The following MAF variants were observed in gnomAD, a reference collection of about 807,000 sequenced individuals.
MAF encodes MAF bZIP transcription factor, also known as transcription factor Maf.
MAF carries 10 observed loss-of-function variants against 22.0 expected under a neutral mutation model. The observed-to-expected ratio is 0.45, with a 90% confidence interval of 0.28 to 0.77. The LOEUF (loss-of-function observed/expected upper bound fraction) is 0.77, where lower values mean the gene tolerates loss of function less well. Ranked by LOEUF, MAF falls within the 30% of genes least tolerant of loss-of-function variation. MAF has a pLI of 0.12. For synonymous variants in MAF, 337 were observed against 255.8 expected (o/e 1.32, Z -3.03); for missense variants, 544 against 548.4 (o/e 0.99, Z 0.08).
the MAF span, among the ~76,000 whole-genome samples, chr16:79,239,317 G>C: frequency 6.6e-6 from 1 of 152,042 alleles, no homozygotes; most frequent in Non-Finnish European, 1.5e-5. Flanking sequence ...ATCCTGGTTT[G>C]CTCAGAAGTG....
the MAF span, among the ~76,000 whole-genome samples, chr16:79,517,567 T>G: frequency 1.0e-5 from 1 of 95,970 alleles, no homozygotes; most frequent in Admixed American, 1.7e-4. Flanking sequence ...GACTGTTTAG[T>G]CTTTTTTTTT....
At chr16:79,290,707 G>A in the MAF span, among the ~76,000 whole-genome samples, 5 of 152,180 alleles carry the variant, frequency 3.3e-5, no homozygotes, top group East Asian at 3.9e-4. Flanking sequence ...TGTCTGTTCC[G>A]TGCAACAGCT....
chr16:79,541,954 T>C, the MAF span, among the ~76,000 whole-genome samples: 1 of 152,016 alleles, frequency 6.6e-6, no homozygotes, highest in African/African-American at 2.4e-5. Context: ...ACAAGCCCGG[T>C]TACTACTAGG....
chr16:79,205,731 G>T, the MAF span: 1 of 152,230 alleles, frequency 6.6e-6, no homozygotes, highest in Non-Finnish European at 1.5e-5. Flanking sequence ...TCTAAGGCTG[G>T]ATTGTTGAAG....
At chr16:79,322,188 G>A in the MAF span, among the ~76,000 whole-genome samples, 3 of 152,184 alleles carry the variant, frequency 2.0e-5, no homozygotes, top group Admixed American at 6.5e-5. Flanking sequence ...AGCCAAGATC[G>A]CTCCACTGCA....
chr16:79,498,609 G>C, the MAF span, among the ~76,000 whole-genome samples: 5 of 152,148 alleles, frequency 3.3e-5, no homozygotes, highest in African/African-American at 7.2e-5. Context: ...TTGAGATGGA[G>C]GCTATTAGTA....
chr16:79,442,192 G>T, the MAF span, among the ~76,000 whole-genome samples: 1 of 152,318 alleles, frequency 6.6e-6, no homozygotes, highest in East Asian at 1.9e-4. Context: ...CTTACAGCAA[G>T]AATAGGAATC....
the MAF span, among the ~76,000 whole-genome samples, chr16:79,337,554 C>A: frequency 4.5e-5 from 5 of 110,184 alleles, no homozygotes; most frequent in East Asian, 5.4e-4. Flanking sequence ...GATGACAGAG[C>A]GAGATTCCGT....
At chr16:79,292,790 G>T in the MAF span, among the ~76,000 whole-genome samples, 23 of 152,154 alleles carry the variant, frequency 1.5e-4, 1 homozygote, top group African/African-American at 4.1e-4. Context: ...CCAAGATGGC[G>T]ATGATAGTAA....
chr16:79,589,616 G>C (rs1480384297), downstream of MAF, among the ~76,000 whole-genome samples: 2 of 152,150 alleles, frequency 1.3e-5, no homozygotes, highest in Non-Finnish European at 2.9e-5. Context: ...GGAGTGAGGG[G>C]GTCTCAAGGT....
the MAF span, among the ~76,000 whole-genome samples, chr16:79,456,342 T>C: frequency 0.12 from 17,854 of 152,128 alleles, 1,196 homozygotes; most frequent in East Asian, 0.25. Context: ...GCCATTTATC[T>C]CCAGGGACAA....
At chr16:79,510,157 A>T in the MAF span, among the ~76,000 whole-genome samples, 2 of 152,228 alleles carry the variant, frequency 1.3e-5, no homozygotes, top group Non-Finnish European at 2.9e-5. Context: ...AACTGTGTTT[A>T]TCCCCTGTAT....
At chr16:79,476,691 T>C in the MAF span, among the ~76,000 whole-genome samples, 1 of 152,028 alleles carries the variant, frequency 6.6e-6, no homozygotes, top group African/African-American at 2.4e-5. Context: ...TGCCTACCTA[T>C]GTTAGGGGGG....
the MAF span, among the ~76,000 whole-genome samples, chr16:79,257,868 G>C: frequency 2.6e-5 from 4 of 152,142 alleles, no homozygotes; most frequent in Non-Finnish European, 4.4e-5. Flanking sequence ...TTTTTGAAAG[G>C]CATAGAGATG....
chr16:79,430,608 A>T, the MAF span, among the ~76,000 whole-genome samples: 895 of 152,300 alleles, frequency 5.9e-3, 9 homozygotes, highest in African/African-American at 0.02. Context: ...TGTCTGCTGA[A>T]TTGGGAAAAT....
chr16:79,472,645 TG>T, the MAF span, among the ~76,000 whole-genome samples: 54 of 152,192 alleles, frequency 3.5e-4, no homozygotes, highest in African/African-American at 1.3e-3. Context: ...TGACTGTTCA[TG>T]GGTATGGAGT....
chr16:79,487,769 T>C, the MAF span, among the ~76,000 whole-genome samples: 1 of 152,224 alleles, frequency 6.6e-6, no homozygotes, highest in African/African-American at 2.4e-5. Flanking sequence ...GCCAGGACCC[T>C]GGGTGACTCT....
the MAF span, among the ~76,000 whole-genome samples, chr16:79,326,811 A>G: frequency 1.3e-5 from 2 of 152,204 alleles, no homozygotes; most frequent in African/African-American, 4.8e-5. Flanking sequence ...GGGTGCTGAG[A>G]AAATTGGCAA....
At chr16:79,285,375 G>C in the MAF span, among the ~76,000 whole-genome samples, 1 of 152,120 alleles carries the variant, frequency 6.6e-6, no homozygotes, top group Non-Finnish European at 1.5e-5. Context: ...CCTAGAATTA[G>C]GGCTTCCTTC....
Sources: gnomAD v4.1 joint callset for allele counts (sites outside exome capture counted in the v4.1 genomes callset) on GRCh38, gnomAD v4.1.1 for gene constraint, MANE v1.5 for transcripts, NCBI Gene and HGNC (gene_info 2026-07-23, HGNC 2026-07-21) for gene names.